The following ERBB4 variants were observed in gnomAD, a reference collection of about 807,000 sequenced individuals.
ERBB4 encodes erb-b2 receptor tyrosine kinase 4.
A neutral mutation model predicts 158.0 loss-of-function variants in ERBB4; 42 were observed. The observed-to-expected ratio is 0.27, with a 90% CI of 0.21 to 0.34. The LOEUF is 0.34. Among genes scored for constraint, ERBB4 ranks in the 10% least tolerant of loss-of-function variants. The pLI, the probability that ERBB4 is intolerant of heterozygous loss-of-function variation, is 1.00. For synonymous variants in ERBB4, 583 were observed against 558.7 expected, an observed-to-expected ratio of 1.04 and a Z score of -0.61; for missense variants, 1,333 against 1,624.1, an observed-to-expected ratio of 0.82 and a Z score of 3.08.
chr2:211,437,595 G>A (rs189353454), intron 20 of ERBB4, among the ~76,000 whole-genome samples: 2 of 152,258 alleles, frequency 1.3e-5, no homozygotes. Flanking sequence ...AGTCAAGAGA[G>A]ACTGGACTAT....
At position 211,764,158 on chromosome 2, in the gene ERBB4, CATATA is replaced by C. The variant is rs575939326; in HGVS notation, c.557-13459_557-13455del. On this transcript the variant is annotated intron_variant, in intron 4 of 27. Transcript: ENST00000342788. ...AAAAAATAAATTCAAGGATAATGGA[CATATA>C]ATATATTTTAAAAATCTGATTCCAT... Among the ~76,000 whole-genome samples, 25 of 152,186 alleles carry C rather than the reference CATATA, an allele frequency of 1.6e-4. No individual in the cohort carries two copies. The South Asian group carries it at 5.0e-3, about 30-fold the overall frequency.
chr2:211,728,494 AT>A (rs1467339401), intron 5 of ERBB4, among the ~76,000 whole-genome samples: 4 of 151,870 alleles, frequency 2.6e-5, no homozygotes, highest in Admixed American at 1.3e-4. Context: ...TATAAATGAC[AT>A]TTTTTAAAGG....
At chr2:211,907,963 G>A (rs1366658804) in intron 3 of ERBB4, among the ~76,000 whole-genome samples, 3 of 151,780 alleles carry the variant, frequency 2.0e-5, no homozygotes, top group Admixed American at 2.0e-4. Context: ...GCACACACGG[G>A]CTACTGAGAC....
chr2:211,949,652 A>T (rs1325835258), intron 2 of ERBB4, among the ~76,000 whole-genome samples: 1 of 152,134 alleles, frequency 6.6e-6, no homozygotes, highest in African/African-American at 2.4e-5. Context: ...TCTCTTTCAC[A>T]TGAAAAGTAT....
chr2:212,350,781 A>G (rs1479869216), intron 1 of ERBB4, among the ~76,000 whole-genome samples: 1 of 144,640 alleles, frequency 6.9e-6, no homozygotes, highest in African/African-American at 2.5e-5. Context: ...AAATAAGGTG[A>G]CAAATTCAAA....
At position 211,376,949 on chromosome 2, in the gene ERBB4, T is replaced by C; in HGVS notation, c.*6666A>G. On this transcript the variant is annotated 3_prime_UTR_variant, in exon 28 of 28. Transcript: ENST00000342788. ...GCCCTCACACAGCTGCTCCGTTTAA[T>C]AATCGACCCATTTAACAGCAGTACC... is the stretch of plus-strand genomic sequence containing the variant. 1 of 233,364 alleles carries C rather than the reference T, an allele frequency of 4.3e-6. No individual in the cohort carries two copies. The highest frequency in any genetic ancestry group is 8.5e-6 in the Non-Finnish European group (1 of 117,734). The allele number at this position is 233,364 out of a possible 1,614,324, so 14.5% of individuals were successfully genotyped here.
chr2:211,883,706 C>T lies in ERBB4; in HGVS notation c.421+63724G>A, dbSNP rs528147343. 4.1e-4 allele frequency among the ~76,000 whole-genome samples: 62 copies of T among 152,206 alleles called. No individual in the cohort carries two copies. The South Asian group carries it at 5.8e-3, about 14-fold the overall frequency. On this transcript the variant is annotated intron_variant, in intron 3 of 27. Coordinates refer to ENST00000342788, the MANE Select transcript of ERBB4 (RefSeq NM_005235.3). ...GAGGCAGAGGCTGAGGCAAGAGAAT[C>T]GCTTGAACCCAGGAGGTGGAGGTTG...
At chr2:211,807,773 A>C (rs7423439) in intron 3 of ERBB4, among the ~76,000 whole-genome samples, 149,351 of 152,314 alleles carry the variant, frequency 0.98, 73,279 homozygotes, top group East Asian at 1. Flanking sequence ...TTCTTCACAT[A>C]CTCTCCAGCA....
chr2:211,635,259 C>T (rs1180791136), intron 16 of ERBB4, among the ~76,000 whole-genome samples: 1 of 152,146 alleles, frequency 6.6e-6, no homozygotes, highest in African/African-American at 2.4e-5. Flanking sequence ...AACTGATATC[C>T]TCCCACTACT....
intron 1 of ERBB4, among the ~76,000 whole-genome samples, chr2:212,324,143 A>T (rs992251136): frequency 6.6e-6 from 1 of 150,770 alleles, no homozygotes; most frequent in African/African-American, 2.4e-5. Context: ...TGCTTTCGGC[A>T]GCCGTCTTAT....
At chr2:211,483,329 C>A (rs1466470736) in intron 20 of ERBB4, among the ~76,000 whole-genome samples, 1 of 151,804 alleles carries the variant, frequency 6.6e-6, no homozygotes, top group Admixed American at 6.6e-5. Context: ...TTGACAAAAA[C>A]TATAAATCCA....
At chr2:211,410,181 T>G (rs1194512940) in intron 25 of ERBB4, among the ~76,000 whole-genome samples, 1 of 152,236 alleles carries the variant, frequency 6.6e-6, no homozygotes, top group Non-Finnish European at 1.5e-5. Flanking sequence ...TGTCTGCATG[T>G]CAATGAGAGT....
rs112834187 is a variant in ERBB4, at chr2:211,851,760, A to G, written c.422-63601T>C. On this transcript the variant is annotated intron_variant, in intron 3 of 27. Coordinates refer to ENST00000342788, the MANE Select transcript of ERBB4 (RefSeq NM_005235.3). ...AGAATAGTGAAAAAGCAAATAAGAG[A>G]TATATGCATTGAATTCTTAGAATAC... Among the ~76,000 whole-genome samples, 48 of 152,050 alleles carry G rather than the reference A, an allele frequency of 3.2e-4. 1 individual carries two copies. The highest frequency in any genetic ancestry group is 1.1e-3 in the African/African-American group (44 of 41,542).
chr2:211,661,052 G>C (rs1006238194), intron 15 of ERBB4, among the ~76,000 whole-genome samples: 1 of 152,064 alleles, frequency 6.6e-6, no homozygotes, highest in Non-Finnish European at 1.5e-5. Context: ...GGGAAAGAGC[G>C]GGGAGGGACT....
intron 15 of ERBB4, 85 bp downstream of exon 15, chr2:211,665,238 T>C: frequency 7.7e-7 from 1 of 1,300,364 alleles, no homozygotes; most frequent in Middle Eastern, 1.8e-4. Flanking sequence ...ATGAGAATGG[T>C]ATACATTTCA....
chr2:212,471,288 T>A (rs1304250417), intron 1 of ERBB4, among the ~76,000 whole-genome samples: 4 of 152,032 alleles, frequency 2.6e-5, no homozygotes, highest in African/African-American at 9.6e-5. Flanking sequence ...ATTGTGCTCA[T>A]TGTCTATGTT....
chr2:211,883,980 T>C (rs1382756913), intron 3 of ERBB4, among the ~76,000 whole-genome samples: 1 of 152,168 alleles, frequency 6.6e-6, no homozygotes, highest in African/African-American at 2.4e-5. Context: ...TTATATAATA[T>C]GAAATAGAGA....
At chr2:211,994,430 G>T (rs2082149804) in intron 2 of ERBB4, among the ~76,000 whole-genome samples, 1 of 152,086 alleles carries the variant, frequency 6.6e-6, no homozygotes, top group Non-Finnish European at 1.5e-5. Context: ...ACCATGCCTG[G>T]CTCAACGTAA....
At chr2:211,743,061 A>G (rs1319277503) in intron 5 of ERBB4, among the ~76,000 whole-genome samples, 1 of 152,130 alleles carries the variant, frequency 6.6e-6, no homozygotes, top group Non-Finnish European at 1.5e-5. Context: ...AGAGAAGTGT[A>G]TCTGTTCACT....
Sources: gnomAD v4.1 joint callset for allele counts (sites outside exome capture counted in the v4.1 genomes callset) on GRCh38, gnomAD v4.1.1 for gene constraint, MANE v1.5 for transcripts, NCBI Gene and HGNC (gene_info 2026-07-23, HGNC 2026-07-21) for gene names.